The following CARMIL1 variants were observed in gnomAD, a reference collection of about 807,000 sequenced individuals.
CARMIL1 encodes the protein F-actin-uncapping protein LRRC16A.
A neutral mutation model predicts 177.1 loss-of-function variants in CARMIL1; 90 were observed. The observed-to-expected ratio is 0.51, with a 90% confidence interval of 0.43 to 0.61. The LOEUF (loss-of-function observed/expected upper bound fraction) is 0.61, where lower values mean the gene tolerates loss of function less well. CARMIL1 is among the 20% of genes least tolerant of loss of function. The pLI is 0.00. For synonymous variants in CARMIL1, 577 were observed against 606.2 expected, an observed-to-expected ratio of 0.95 and a Z score of 0.71; for missense variants, 1,380 against 1,667.0, an observed-to-expected ratio of 0.83 and a Z score of 3.00.
In CARMIL1 at chr6:25,420,101, T is replaced by G; in HGVS notation, c.139-13T>G. Reference sequence around the variant, plus strand: ...TTGGTGCTTATACTGATGCTGCTGCTTCTGTCTTACAGGTCCTTACATCAT... The same window carrying G: ...TTGGTGCTTATACTGATGCTGCTGCGTCTGTCTTACAGGTCCTTACATCAT... On this transcript the variant is annotated splice_polypyrimidine_tract_variant and intron_variant, in intron 2 of 36. Coordinates refer to ENST00000329474, the MANE Select transcript of CARMIL1 (RefSeq NM_017640.6). 1 of 1,610,500 alleles carries G rather than the reference T, an allele frequency of 6.2e-7. No individual in the cohort carries two copies. Among genetic ancestry groups the G allele is most frequent in the Non-Finnish European group, 8.5e-7 (1 of 1,176,784 alleles).
chr6:25,403,706 TTCA>T (rs1794089957), intron 2 of CARMIL1, among the ~76,000 whole-genome samples: 1 of 152,144 alleles, frequency 6.6e-6, no homozygotes, highest in African/African-American at 2.4e-5. Flanking sequence ...TCAACCTCAC[TTCA>T]TAATTACGTC....
chr6:25,302,828 GCTCT>G (rs1782969550), intron 2 of CARMIL1, among the ~76,000 whole-genome samples: 1 of 152,160 alleles, frequency 6.6e-6, no homozygotes, highest in Non-Finnish European at 1.5e-5. Flanking sequence ...GCCATTAAGT[GCTCT>G]CTGACTAGTT....
chr6:25,371,097 T>A (rs1351408241), intron 2 of CARMIL1, among the ~76,000 whole-genome samples: 1 of 152,238 alleles, frequency 6.6e-6, no homozygotes, highest in Non-Finnish European at 1.5e-5. Context: ...GATATTTCAT[T>A]CTGTTTTATG....
intron 4 of CARMIL1, among the ~76,000 whole-genome samples, chr6:25,434,093 G>A (rs527763915): frequency 6.6e-6 from 1 of 152,246 alleles, no homozygotes; most frequent in South Asian, 2.1e-4. Flanking sequence ...AGGAAGATGG[G>A]GTTTTGCTAT....
intron 28 of CARMIL1, among the ~76,000 whole-genome samples, chr6:25,555,110 A>G (rs563921854): frequency 2.8e-4 from 42 of 152,314 alleles, no homozygotes; most frequent in African/African-American, 9.9e-4. Flanking sequence ...TGAGCTTCCA[A>G]TATCAGTGCA....
At chr6:25,546,184 A>G (rs1009749186) in intron 26 of CARMIL1, among the ~76,000 whole-genome samples, 2 of 152,108 alleles carry the variant, frequency 1.3e-5, no homozygotes, top group Non-Finnish European at 2.9e-5. Context: ...AAAGTCAGGA[A>G]TAAGGCAAAG....
rs147125777 is a variant in CARMIL1 at position 25,309,809 on chromosome 6, G to A, written c.138+24900G>A. Among the ~76,000 whole-genome samples, 831 of 126,880 alleles carry A rather than the reference G, an allele frequency of 6.5e-3. 9 individuals are homozygous for A. The highest frequency in any genetic ancestry group is 0.023 in the African/African-American group (772 of 33,984). 83.2% of individuals were successfully genotyped at this position (126,880 alleles called of 152,430 possible). A position where few individuals can be genotyped will look rare whatever the true frequency, so the allele number is the denominator to read the frequency against. On this transcript the variant is annotated intron_variant, in intron 2 of 36. Coordinates refer to ENST00000329474, the MANE Select transcript of CARMIL1 (RefSeq NM_017640.6). ...TTTGGAGACAGAATCTTGCTCTGTTGCCCAGGCTAGAATGCAATGGCACGA... is the reference window on the plus strand; with the variant it reads ...TTTGGAGACAGAATCTTGCTCTGTTACCCAGGCTAGAATGCAATGGCACGA...
intron 3 of CARMIL1, chr6:25,420,400 A>G: frequency 2.0e-6 from 1 of 491,310 alleles, no homozygotes. Flanking sequence ...TGAGAAACAT[A>G]TTTTTTACTC....
chr6:25,421,605 CAA>C (rs1491295254), intron 3 of CARMIL1, among the ~76,000 whole-genome samples: 1 of 151,564 alleles, frequency 6.6e-6, no homozygotes, highest in African/African-American at 2.4e-5. Flanking sequence ...TTCACAATAG[CAA>C]AGACTTGGAA....
At chr6:25,536,910 G>C (rs1167713816) in intron 24 of CARMIL1, among the ~76,000 whole-genome samples, 2 of 150,028 alleles carry the variant, frequency 1.3e-5, no homozygotes, top group Admixed American at 1.3e-4. Flanking sequence ...TAAGGCCTTT[G>C]AAGAATGAAT....
chr6:25,517,605 T>C (rs1465025472), intron 22 of CARMIL1, among the ~76,000 whole-genome samples, 190 bp downstream of exon 22: 5 of 152,184 alleles, frequency 3.3e-5, no homozygotes, highest in Non-Finnish European at 2.9e-5. Context: ...AGTTTCCTTA[T>C]GTATGAAATG....
At chr6:25,488,962 C>T (rs1022442325) in intron 13 of CARMIL1, among the ~76,000 whole-genome samples, 4 of 151,956 alleles carry the variant, frequency 2.6e-5, no homozygotes. Flanking sequence ...GTCAGGAGAT[C>T]GAGACCAGCC....
intron 28 of CARMIL1, among the ~76,000 whole-genome samples, chr6:25,555,456 A>G (rs1239676354): frequency 1.3e-5 from 2 of 152,136 alleles, no homozygotes; most frequent in Non-Finnish European, 2.9e-5. Flanking sequence ...GCCAGAGTGC[A>G]GTGGTGCGAT....
chr6:25,305,872 C>T (rs1190893040), intron 2 of CARMIL1, among the ~76,000 whole-genome samples: 1 of 152,318 alleles, frequency 6.6e-6, no homozygotes, highest in Non-Finnish European at 1.5e-5. Context: ...ACATGTTCAT[C>T]AAGCCAATAT....
At chr6:25,490,451 A>G (rs1369170357) in intron 13 of CARMIL1, among the ~76,000 whole-genome samples, 4 of 152,146 alleles carry the variant, frequency 2.6e-5, no homozygotes, top group Non-Finnish European at 5.9e-5. Flanking sequence ...GAATTCCAGC[A>G]CTTTTGGAGG....
intron 5 of CARMIL1, among the ~76,000 whole-genome samples, chr6:25,439,848 G>A (rs903260764): frequency 1.3e-5 from 2 of 152,146 alleles, no homozygotes; most frequent in Admixed American, 6.5e-5. Flanking sequence ...TAAAATGGGA[G>A]ATAAAAGCAT....
intron 2 of CARMIL1, among the ~76,000 whole-genome samples, chr6:25,348,555 G>C (rs1227718791): frequency 6.6e-6 from 1 of 151,864 alleles, no homozygotes. Flanking sequence ...AGGCCGAGCT[G>C]GGCGGATCAC....
rs1464890012 is a variant in CARMIL1 at position 25,535,298 on chromosome 6, G to C, written c.2068-2557G>C. Among the ~76,000 whole-genome samples, 6 of 152,244 alleles carry C rather than the reference G, an allele frequency of 3.9e-5. No individual in the cohort carries two copies. The East Asian group carries it at 7.7e-4, about 20-fold the overall frequency. On this transcript the variant is annotated intron_variant, in intron 24 of 36. Coordinates refer to ENST00000329474, the MANE Select transcript of CARMIL1 (RefSeq NM_017640.6). Reference sequence around the variant, plus strand: ...GAGAACTGTGTCAGCGTAGGCATGGGAAAAGGAGCTGGGAATGTTAAACCT... The same window carrying C: ...GAGAACTGTGTCAGCGTAGGCATGGCAAAAGGAGCTGGGAATGTTAAACCT...
At chr6:25,488,093 A>G (rs541640258) in intron 12 of CARMIL1, among the ~76,000 whole-genome samples, 1 of 152,204 alleles carries the variant, frequency 6.6e-6, no homozygotes, top group Non-Finnish European at 1.5e-5. Flanking sequence ...CTGAACTTGG[A>G]CATGCATCAT....
Sources: allele counts gnomAD v4.1 joint callset (sites outside exome capture counted in the v4.1 genomes callset), GRCh38; gene constraint gnomAD v4.1.1; transcripts MANE v1.5; gene names NCBI Gene and HGNC (gene_info 2026-07-23, HGNC 2026-07-21).